Variants in LIFR observed in about 807,000 individuals in gnomAD.
The protein encoded by LIFR is LIF receptor subunit alpha.
In LIFR, 84 loss-of-function variants were observed where a neutral mutation model predicts 122.2. That is an observed-to-expected ratio of 0.69 (90% CI 0.58 to 0.82). The LOEUF is 0.82. Among genes scored for constraint, LIFR ranks in the 40% least tolerant of loss-of-function variants. The probability of loss-of-function intolerance (pLI) is 0.00; values close to 1 mark genes in which losing one functional copy is unlikely to be tolerated. For missense variants in LIFR, 1,294 were observed against 1,311.6 expected, an observed-to-expected ratio of 0.99 and a Z score of 0.21; for synonymous variants, 422 against 434.7, an observed-to-expected ratio of 0.97 and a Z score of 0.36.
chr5:38,518,938 C>T (rs192121235), intron 5 of LIFR, among the ~76,000 whole-genome samples: 13 of 152,084 alleles, frequency 8.5e-5, no homozygotes, highest in African/African-American at 1.9e-4. Context: ...GTGTTTTTGT[C>T]CTTGTTTTTA....
At chr5:38,562,400 T>C (rs183788464) in intron 1 of LIFR, among the ~76,000 whole-genome samples, 178 of 152,336 alleles carry the variant, frequency 1.2e-3, no homozygotes, top group African/African-American at 4.0e-3. Flanking sequence ...CTTATATTCT[T>C]ATTCTTAGCT....
At chr5:38,514,593 G>A (rs1249563246) in intron 5 of LIFR, among the ~76,000 whole-genome samples, 3 of 152,076 alleles carry the variant, frequency 2.0e-5, no homozygotes, top group African/African-American at 4.8e-5. Context: ...TAAATTAAAA[G>A]AACAAATTAT....
chr5:38,569,286 A>G (rs1025480994), intron 1 of LIFR, among the ~76,000 whole-genome samples: 7 of 152,236 alleles, frequency 4.6e-5, no homozygotes, highest in Non-Finnish European at 7.3e-5. Flanking sequence ...ATTTAGACTC[A>G]GCACAGCATT....
intron 1 of LIFR, among the ~76,000 whole-genome samples, chr5:38,549,251 G>T (rs1051303846): frequency 1.2e-5 from 1 of 84,528 alleles, no homozygotes; most frequent in Admixed American, 1.3e-4. Flanking sequence ...GTAGAAAATT[G>T]TACACACACA....
At chr5:38,512,518 T>C (rs1297649154) in intron 5 of LIFR, among the ~76,000 whole-genome samples, 2 of 152,044 alleles carry the variant, frequency 1.3e-5, no homozygotes, top group Non-Finnish European at 2.9e-5. Context: ...CTTGTGCCTG[T>C]AGTCCCAGCA....
At chr5:38,528,418 T>C (rs766573605) in intron 3 of LIFR, among the ~76,000 whole-genome samples, 1 of 152,200 alleles carries the variant, frequency 6.6e-6, no homozygotes, top group Non-Finnish European at 1.5e-5. Context: ...CGTCCTTCCC[T>C]GCCTCTCTGA....
chr5:38,515,853 A>G (rs1003650611), intron 5 of LIFR, among the ~76,000 whole-genome samples: 3 of 152,170 alleles, frequency 2.0e-5, no homozygotes, highest in African/African-American at 7.2e-5. Flanking sequence ...CTGGACACAG[A>G]GACCACAGAC....
At chr5:38,550,092 TA>T in intron 1 of LIFR, 1 of 160,546 alleles carries the variant, frequency 6.2e-6, no homozygotes, top group Non-Finnish European at 1.3e-5. Flanking sequence ...CATGCCTGAC[TA>T]AGGGACGGGG....
chr5:38,562,779 T>C (rs948852943), intron 1 of LIFR, among the ~76,000 whole-genome samples: 2 of 152,212 alleles, frequency 1.3e-5, no homozygotes, highest in Non-Finnish European at 2.9e-5. Flanking sequence ...TTCAATATTA[T>C]GTACAAAACC....
upstream of LIFR, among the ~76,000 whole-genome samples, chr5:38,598,596 C>T (rs1750166162): frequency 1.3e-5 from 2 of 152,114 alleles, no homozygotes; most frequent in African/African-American, 4.8e-5. Flanking sequence ...GTTCCCAACC[C>T]ACTGAGCTTT....
chr5:38,528,354 T>C (rs1440920017), intron 3 of LIFR, among the ~76,000 whole-genome samples: 1 of 152,224 alleles, frequency 6.6e-6, no homozygotes, highest in Non-Finnish European at 1.5e-5. Context: ...GTGGTGGGCA[T>C]GTGTGCTCTT....
chr5:38,575,773 C>T (rs1749366177), intron 1 of LIFR, among the ~76,000 whole-genome samples: 1 of 152,172 alleles, frequency 6.6e-6, no homozygotes, highest in South Asian at 2.1e-4. Flanking sequence ...CCAGAGGCCC[C>T]CCACCTATAG....
At chr5:38,591,595 GTT>G in intron 1 of LIFR, among the ~76,000 whole-genome samples, 1 of 152,354 alleles carries the variant, frequency 6.6e-6, no homozygotes, top group East Asian at 1.9e-4. Context: ...TTGTGCAGAT[GTT>G]TGAAGGACAC....
At chr5:38,558,237 A>C (rs1748688452), upstream of LIFR, 1 of 152,174 alleles carries the variant, frequency 6.6e-6, no homozygotes, top group Non-Finnish European at 1.5e-5. Context: ...AAGGGGCTCA[A>C]CGAAGGCAAA....
In LIFR at chr5:38,530,595, T is replaced by C; in HGVS notation, c.53A>G (p.Lys18Arg). 4.3e-6 allele frequency: 7 copies of C among 1,612,952 alleles called. No homozygotes were observed. The highest frequency in any genetic ancestry group is 5.9e-6 in the Non-Finnish European group (7 of 1,178,916). The change falls in exon 2 of 20, where the codon AAA becomes AGA. Residue 18 changes from lysine (K) to arginine (R), a missense_variant. Lys to Arg is a conservative substitution (Grantham distance 26). Transcript: ENST00000453190. The stretch of plus-strand genomic sequence containing the variant: ...GAAATTTGAAGCAGTCCTCATTCTT[T>C]TATTGTCCACCATCCAGGATGGTCG... ...LKRPSWMVDNKRMRTASNFQW... is the reference protein window; with the variant it reads ...LKRPSWMVDNRRMRTASNFQW...
chr5:38,507,563 CA>C lies in LIFR; in HGVS notation c.992-932del, dbSNP rs35427960. 5.5e-3 allele frequency among the ~76,000 whole-genome samples: 615 copies of C among 110,906 alleles called. 1 individual carries two copies. The highest frequency in any genetic ancestry group is 0.021 in the African/African-American group (571 of 27,716). The allele number at this position is 110,906 out of a possible 152,430, so 72.8% of individuals were successfully genotyped here. A position where few individuals can be genotyped will look rare whatever the true frequency, so the allele number is the denominator to read the frequency against. The stretch of plus-strand genomic sequence containing the variant: ...TGGGCGACAGAGCGATACTCCGTCT[CA>C]AAAAAAAAAAAAAAAAAAGTGATAA... On this transcript the variant is annotated intron_variant, in intron 7 of 19. Transcript: ENST00000453190.
upstream of LIFR, among the ~76,000 whole-genome samples, chr5:38,600,299 C>G (rs1415043509): frequency 1.3e-5 from 2 of 152,200 alleles, no homozygotes; most frequent in Admixed American, 1.3e-4. Flanking sequence ...CACATATTCT[C>G]AGGATCTTCT....
intron 1 of LIFR, among the ~76,000 whole-genome samples, chr5:38,580,161 T>C (rs1211903148): frequency 1.3e-5 from 2 of 152,218 alleles, no homozygotes; most frequent in Non-Finnish European, 1.5e-5. Flanking sequence ...AAGCTCATTT[T>C]CTACTTTTTC....
chr5:38,592,110 C>G (rs1392740459), intron 1 of LIFR, among the ~76,000 whole-genome samples: 1 of 152,174 alleles, frequency 6.6e-6, no homozygotes, highest in Non-Finnish European at 1.5e-5. Context: ...TTCTTCCCTT[C>G]TCTCCTTTTC....
Sources: gnomAD v4.1 joint callset for allele counts (sites outside exome capture counted in the v4.1 genomes callset) on GRCh38, gnomAD v4.1.1 for gene constraint, MANE v1.5 for transcripts, NCBI Gene and HGNC (gene_info 2026-07-23, HGNC 2026-07-21) for gene names.